The following EVI5 variants were observed in gnomAD, a reference collection of about 807,000 sequenced individuals.
The protein encoded by EVI5 is ecotropic viral integration site 5 protein homolog.
EVI5 carries 73 observed loss-of-function variants against 112.0 expected under a neutral mutation model. That is an observed-to-expected ratio of 0.65 (90% confidence interval 0.54 to 0.79). EVI5 has a LOEUF of 0.79. Among genes scored for constraint, EVI5 ranks in the 30% least tolerant of loss-of-function variants. The pLI is 0.00. For synonymous variants in EVI5, 305 were observed against 319.9 expected (o/e 0.95, Z 0.50); for missense variants, 900 against 968.8 (o/e 0.93, Z 0.94).
chr1:92,731,049 C>G (rs923527209), intron 2 of EVI5, among the ~76,000 whole-genome samples: 3 of 152,116 alleles, frequency 2.0e-5, no homozygotes, highest in Admixed American at 2.0e-4. Context: ...TAGAGCCAGG[C>G]ACAGTGGCTC....
intron 2 of EVI5, among the ~76,000 whole-genome samples, chr1:92,724,053 T>C (rs1454821820): frequency 6.6e-6 from 1 of 152,192 alleles, no homozygotes; most frequent in Admixed American, 6.5e-5. Context: ...AGACAATGCG[T>C]GCACAGTGGG....
At chr1:92,745,488 AT>A (rs1679124707) in intron 1 of EVI5, among the ~76,000 whole-genome samples, 1 of 152,228 alleles carries the variant, frequency 6.6e-6, no homozygotes, top group African/African-American at 2.4e-5. Flanking sequence ...ATTATAAACC[AT>A]TAGATGTACT....
chr1:92,590,778 C>A (rs1472814744), intron 18 of EVI5, among the ~76,000 whole-genome samples: 3 of 152,086 alleles, frequency 2.0e-5, no homozygotes, highest in African/African-American at 7.2e-5. Flanking sequence ...CAAAGATACT[C>A]CTCGAGAAGA....
chr1:92,713,325 T>C (rs1363352589), intron 2 of EVI5, among the ~76,000 whole-genome samples: 1 of 150,946 alleles, frequency 6.6e-6, no homozygotes, highest in Non-Finnish European at 1.5e-5. Context: ...TAGTATTGCC[T>C]TTTCTTTTTT....
chr1:92,570,335 G>T lies in EVI5; in HGVS notation c.2071-6598C>A, dbSNP rs77347059. 3.1e-3 allele frequency among the ~76,000 whole-genome samples: 467 copies of T among 152,050 alleles called. 3 individuals are homozygous for T. Among genetic ancestry groups the T allele is most frequent in the Non-Finnish European group, 5.2e-3 (351 of 67,960 alleles). Reference sequence around the variant, plus strand: ...TTTTGGCGGGAGCGAGGGCAGGGGGGGCCTAATTTTGGTATGAGGTCATAC... The same window carrying T: ...TTTTGGCGGGAGCGAGGGCAGGGGGTGCCTAATTTTGGTATGAGGTCATAC... On this transcript the variant is annotated intron_variant, in intron 18 of 19. Transcript: ENST00000684568.
At chr1:92,677,600 C>A (rs1040552258) in intron 9 of EVI5, among the ~76,000 whole-genome samples, 2 of 152,084 alleles carry the variant, frequency 1.3e-5, no homozygotes, top group African/African-American at 4.8e-5. Context: ...CCAACATTGA[C>A]TTTGAAAATT....
In EVI5 at chr1:92,780,439, A is replaced by C. The variant is rs1228399428; in HGVS notation, c.-82+4397T>G. Reference sequence around the variant, plus strand: ...GTTTGATGAAAAGCAGCCCCTGCCCACAGCCCACTTTCTTTGCCCACCTCT... The same window carrying C: ...GTTTGATGAAAAGCAGCCCCTGCCCCCAGCCCACTTTCTTTGCCCACCTCT... On this transcript the variant is annotated intron_variant, in intron 1 of 19. Coordinates refer to ENST00000684568, the MANE Select transcript of EVI5 (RefSeq NM_001350197.2). Among the ~76,000 whole-genome samples, 4 of 96,778 alleles carry C rather than the reference A, an allele frequency of 4.1e-5. No homozygotes were observed. The East Asian group carries it at 3.8e-3, about 92-fold the overall frequency. 63.5% of individuals were successfully genotyped at this position (96,778 alleles called of 152,430 possible). A position where few individuals can be genotyped will look rare whatever the true frequency, so the allele number is the denominator to read the frequency against.
chr1:92,721,759 G>T (rs1234238657), intron 2 of EVI5, among the ~76,000 whole-genome samples: 2 of 152,102 alleles, frequency 1.3e-5, no homozygotes, highest in Non-Finnish European at 2.9e-5. Context: ...GGGGTAAATT[G>T]TGAATTGTAT....
chr1:92,729,288 G>T (rs1168001901), intron 2 of EVI5, among the ~76,000 whole-genome samples: 1 of 152,200 alleles, frequency 6.6e-6, no homozygotes, highest in Non-Finnish European at 1.5e-5. Flanking sequence ...GTCATGAACA[G>T]AAATACGTTT....
At chr1:92,693,035 A>G (rs545225133) in intron 9 of EVI5, among the ~76,000 whole-genome samples, 12 of 152,310 alleles carry the variant, frequency 7.9e-5, no homozygotes, top group African/African-American at 2.9e-4. Flanking sequence ...TGCCAAAAAA[A>G]GCTTCATTAG....
chr1:92,514,381 C>T (rs191414792), intron 19 of EVI5, among the ~76,000 whole-genome samples: 1 of 152,152 alleles, frequency 6.6e-6, no homozygotes, highest in African/African-American at 2.4e-5. Flanking sequence ...GTCTCAAACT[C>T]CTGGGCTCAA....
At chr1:92,571,049 T>C (rs778536078) in intron 18 of EVI5, among the ~76,000 whole-genome samples, 9 of 151,808 alleles carry the variant, frequency 5.9e-5, no homozygotes, top group Non-Finnish European at 8.8e-5. Flanking sequence ...AATCCAATTA[T>C]ATAGTTGTCT....
intron 1 of EVI5, among the ~76,000 whole-genome samples, chr1:92,743,311 C>T (rs1418732102): frequency 6.6e-6 from 1 of 152,060 alleles, no homozygotes; most frequent in African/African-American, 2.4e-5. Flanking sequence ...CAAGATCGTG[C>T]CACTGCACTC....
Position 92,662,787 on chromosome 1 carries a change from C to T in EVI5, c.1324G>A (p.Asp442Asn). ...TGCTCCAGCTTAGCACTGGCCTCATCACTCTGCTGTTTGATGGTGGCCAAC... is the reference window on the plus strand; with the variant it reads ...TGCTCCAGCTTAGCACTGGCCTCATTACTCTGCTGTTTGATGGTGGCCAAC... ...RELATIKQQS[D>N]EASAKLEQAE... The change falls in exon 13 of 20, where the codon GAT (aspartate) becomes AAT (asparagine). Residue 442 changes from aspartate to asparagine, a missense_variant. Physicochemically the swap from Asp to Asn is conservative, Grantham distance 23. Coordinates refer to ENST00000684568, the MANE Select transcript of EVI5 (RefSeq NM_001350197.2). The T allele has an allele frequency of 1.6e-6, 2 of 1,289,412 alleles. No individual in the cohort carries two copies. The highest frequency in any genetic ancestry group is 1.2e-5 in the South Asian group (1 of 80,978). 79.9% of individuals were successfully genotyped at this position (1,289,412 alleles called of 1,614,324 possible). A position where few individuals can be genotyped will look rare whatever the true frequency, so the allele number is the denominator to read the frequency against.
chr1:92,757,545 T>C (rs1204358025), intron 1 of EVI5, among the ~76,000 whole-genome samples: 1 of 151,990 alleles, frequency 6.6e-6, no homozygotes, highest in Non-Finnish European at 1.5e-5. Flanking sequence ...TTATAAATAG[T>C]ATAGGTATAT....
intron 15 of EVI5, chr1:92,625,541 CA>C (rs1655481198): frequency 3.2e-6 from 1 of 308,462 alleles, no homozygotes; most frequent in African/African-American, 2.1e-5. Context: ...AAAAGTTACA[CA>C]AGGCACAATG....
chr1:92,686,991 TC>T (rs1218377769), intron 9 of EVI5, among the ~76,000 whole-genome samples: 2 of 152,052 alleles, frequency 1.3e-5, no homozygotes, highest in Non-Finnish European at 2.9e-5. Context: ...TTAAATGCCA[TC>T]CCCATCAAGC....
intron 1 of EVI5, among the ~76,000 whole-genome samples, chr1:92,749,761 T>C (rs1278636018): frequency 6.6e-6 from 1 of 152,180 alleles, no homozygotes; most frequent in Non-Finnish European, 1.5e-5. Flanking sequence ...ATAATGTACT[T>C]TGCCAAGCAT....
At chr1:92,670,882 TAAC>T (rs1665756717) in intron 10 of EVI5, among the ~76,000 whole-genome samples, 1 of 152,190 alleles carries the variant, frequency 6.6e-6, no homozygotes, top group Admixed American at 6.5e-5. Context: ...TATTGTGTAT[TAAC>T]TACTCATGCT....
Sources: gnomAD v4.1 joint callset for allele counts (sites outside exome capture counted in the v4.1 genomes callset) on GRCh38, gnomAD v4.1.1 for gene constraint, MANE v1.5 for transcripts, NCBI Gene and HGNC (gene_info 2026-07-23, HGNC 2026-07-21) for gene names.